Variants in GSN observed in about 807,000 individuals in gnomAD.
GSN encodes gelsolin.
In GSN, 56 loss-of-function variants were observed where a neutral mutation model predicts 85.7. The ratio of observed to expected loss-of-function variants is 0.65; its 90% CI spans 0.53 to 0.82. The LOEUF (loss-of-function observed/expected upper bound fraction) is 0.82. Among genes scored for constraint, GSN ranks in the 40% least tolerant of loss-of-function variants. The pLI, the probability that GSN is intolerant of heterozygous loss-of-function variation, is 0.00. For missense variants in GSN, 857 were observed against 979.8 expected, an observed-to-expected ratio of 0.87 and a Z score of 1.67; for synonymous variants, 373 against 399.1, an observed-to-expected ratio of 0.93 and a Z score of 0.78.
chr9:121,255,647 C>T (rs2054939752), intron 6 of GSN, among the ~76,000 whole-genome samples: 1 of 151,990 alleles, frequency 6.6e-6, no homozygotes, highest in Admixed American at 6.5e-5. Flanking sequence ...TAAGGATTTC[C>T]ACTTTCTTTG....
rs192985712 is a variant in GSN at position 121,218,660 on chromosome 9, G to A, written c.-528+7793G>A. 7.2e-5 allele frequency among the ~76,000 whole-genome samples: 11 copies of A among 152,168 alleles called. No individual in the cohort carries two copies. In the South Asian group the frequency reaches 8.3e-4, roughly 11 times the overall value. On this transcript the variant is annotated intron_variant, in intron 4 of 24. Coordinates refer to the GSN transcript ENST00000373823. ...AAAAAAAATAAAGAAAGGAGGAAAC[G>A]TACATGTAAGCTAATTTGAAAAAAA...
intron 4 of GSN, among the ~76,000 whole-genome samples, chr9:121,230,325 A>G (rs2054362901): frequency 6.6e-6 from 1 of 152,204 alleles, no homozygotes; most frequent in South Asian, 2.1e-4. Flanking sequence ...TCAATTCCAA[A>G]TTTTTAGGAA....
In GSN at chr9:121,310,836, C is replaced by G. The variant is rs754109131; in HGVS notation, c.504C>G (p.Asp168Glu). 1.7e-5 allele frequency: 28 copies of G among 1,613,962 alleles called. No individual in the cohort carries two copies. Among genetic ancestry groups the G allele is most frequent in the South Asian group, 3.3e-5 (3 of 91,078 alleles). ...ACAATGGCGACTGCTTCATCCTGGA[C>G]CTGGGCAACGTGAGTCCTGCTTTCC... ...SFNNGDCFIL[D>E]LGNNIHQWCG... The change falls in exon 5 of 18, where the codon GAC (aspartate) becomes GAG (glutamate). Residue 168 changes from aspartate (D) to glutamate (E), a missense_variant. By Grantham distance (45) the Asp-to-Glu change is conservative. Transcript: ENST00000432226.
At chr9:121,253,397 C>T (rs1002513786) in intron 6 of GSN, among the ~76,000 whole-genome samples, 6 of 152,216 alleles carry the variant, frequency 3.9e-5, no homozygotes, top group Non-Finnish European at 7.3e-5. Flanking sequence ...TTCAGTTCAG[C>T]TCCCATATTT....
chr9:121,215,932 A>G (rs1219636927), intron 4 of GSN, among the ~76,000 whole-genome samples: 1 of 152,136 alleles, frequency 6.6e-6, no homozygotes, highest in Non-Finnish European at 1.5e-5. Context: ...ATTTTGAAAA[A>G]AATAGCTGGG....
rs2304393 is a variant in GSN at position 121,321,336 on chromosome 9, C to T, written c.1260C>T (p.Gly420=). The T allele has an allele frequency of 0.047, 76,264 of 1,613,398 alleles. 2,555 individuals carry two copies. Among genetic ancestry groups the T allele is most frequent in the East Asian group, 0.15 (6,806 of 44,844 alleles). ...DPATYGQFYG[G]DSYIILYNYR... The stretch of plus-strand genomic sequence containing the variant: ...CCACATATGGACAGTTCTATGGAGG[C>T]GACAGCTACATCATTCTGTACAACT... Residue 420 remains glycine (G), a synonymous_variant, in exon 11 of 18, where the codon GGC becomes GGT. Transcript: ENST00000432226.
intron 6 of GSN, among the ~76,000 whole-genome samples, chr9:121,253,152 A>G (rs1234052755): frequency 6.6e-6 from 1 of 152,168 alleles, no homozygotes; most frequent in Non-Finnish European, 1.5e-5. Context: ...CTACTCTCAT[A>G]ACCGAATTAC....
At chr9:121,315,249 A>G (rs946657064) in intron 7 of GSN, among the ~76,000 whole-genome samples, 3 of 152,202 alleles carry the variant, frequency 2.0e-5, no homozygotes, top group Non-Finnish European at 4.4e-5. Flanking sequence ...TCTTTCTATA[A>G]TAAATCTCAA....
chr9:121,279,657 G>A (rs2057105647), intron 1 of GSN, among the ~76,000 whole-genome samples: 1 of 152,114 alleles, frequency 6.6e-6, no homozygotes, highest in African/African-American at 2.4e-5. Context: ...GCTGTTTGCC[G>A]AGATGAGGTG....
intron 4 of GSN, among the ~76,000 whole-genome samples, chr9:121,223,781 T>C (rs1025295320): frequency 6.6e-6 from 1 of 152,106 alleles, no homozygotes; most frequent in Non-Finnish European, 1.5e-5. Context: ...TGCCTCAGCC[T>C]CCCGAGTAGC....
At chr9:121,301,319 C>A (rs1202931891) in intron 2 of GSN, among the ~76,000 whole-genome samples, 1 of 152,142 alleles carries the variant, frequency 6.6e-6, no homozygotes. Context: ...GTTATCACAT[C>A]CAATTGGCAA....
At chr9:121,276,549 GCCT>G (rs1350863538) in intron 1 of GSN, among the ~76,000 whole-genome samples, 1 of 152,198 alleles carries the variant, frequency 6.6e-6, no homozygotes, top group African/African-American at 2.4e-5. Flanking sequence ...CCCCCCGACT[GCCT>G]CCTCATCTCA....
chr9:121,256,890 C>G (rs1213042420), intron 6 of GSN, among the ~76,000 whole-genome samples: 3 of 149,252 alleles, frequency 2.0e-5, no homozygotes. Flanking sequence ...GACTCCATCT[C>G]AAAAAAAGAA....
At chr9:121,212,282 A>G (rs2053982414) in intron 4 of GSN, among the ~76,000 whole-genome samples, 1 of 152,206 alleles carries the variant, frequency 6.6e-6, no homozygotes, top group Non-Finnish European at 1.5e-5. Flanking sequence ...CCAACTCTGC[A>G]GTTTATTAGC....
At chr9:121,248,594 G>A (rs934480471) in intron 6 of GSN, among the ~76,000 whole-genome samples, 1 of 152,174 alleles carries the variant, frequency 6.6e-6, no homozygotes, top group East Asian at 1.9e-4. Context: ...GAACACAGCA[G>A]GGGAACAGGT....
chr9:121,263,758 C>T (rs552265029), upstream of GSN, among the ~76,000 whole-genome samples: 3 of 152,032 alleles, frequency 2.0e-5, no homozygotes, highest in South Asian at 2.1e-4. Flanking sequence ...GGCGTTGTTG[C>T]GGGTGCCTGT....
intron 4 of GSN, among the ~76,000 whole-genome samples, chr9:121,230,040 ATTT>A (rs1193226456): frequency 6.6e-6 from 1 of 152,128 alleles, no homozygotes; most frequent in Non-Finnish European, 1.5e-5. Context: ...GTAGAGGGAT[ATTT>A]TTTAATTCAG....
chr9:121,327,970 G>A (rs2063434086), intron 14 of GSN, among the ~76,000 whole-genome samples: 1 of 152,154 alleles, frequency 6.6e-6, no homozygotes, highest in Non-Finnish European at 1.5e-5. Context: ...GTAAAACTCT[G>A]TCTCAAAAAG....
At chr9:121,226,445 A>AG (rs1222306119) in intron 4 of GSN, among the ~76,000 whole-genome samples, 1 of 152,218 alleles carries the variant, frequency 6.6e-6, no homozygotes, top group Non-Finnish European at 1.5e-5. Context: ...GGAGGTGTTC[A>AG]GAAAGGTCCT....
Sources: allele counts gnomAD v4.1 joint callset (sites outside exome capture counted in the v4.1 genomes callset), GRCh38; gene constraint gnomAD v4.1.1; transcripts MANE v1.5; gene names NCBI Gene and HGNC (gene_info 2026-07-23, HGNC 2026-07-21).